The following IGFBP2 variants were observed in gnomAD, a reference collection of about 807,000 sequenced individuals.
IGFBP2 encodes insulin like growth factor binding protein 2.
Under a neutral mutation model 26.2 loss-of-function variants are expected in IGFBP2, and 12 were observed. That is an observed-to-expected ratio of 0.46 (90% CI 0.29 to 0.74). IGFBP2 has a LOEUF of 0.74. IGFBP2 is among the 30% of genes least tolerant of loss of function. The probability of loss-of-function intolerance (pLI) is 0.09; values close to 1 mark genes in which losing one functional copy is unlikely to be tolerated. For missense variants in IGFBP2, 328 were observed against 441.2 expected (o/e 0.74, Z 2.30); for synonymous variants, 189 against 200.6 (o/e 0.94, Z 0.49).
At position 216,664,317 on chromosome 2, in the gene IGFBP2, G is replaced by C. The variant is rs1028955256; in HGVS notation, c.*213G>C. ...ACACCTGCTCCTTCTTGCTTTCCCC[G>C]GGGGAGGAAGGGGGTTGTGGTCGGG... On this transcript the variant is annotated 3_prime_UTR_variant, in exon 4 of 4. Transcript: ENST00000233809. This position sits in a 1 kb window ranked among gnomAD's most constrained non-coding sequence, Gnocchi z 4.6. 1.4e-5 allele frequency: 6 copies of C among 420,898 alleles called. No individual in the cohort carries two copies. The highest frequency in any genetic ancestry group is 2.1e-5 in the Non-Finnish European group (5 of 238,354). The allele number at this position is 420,898 out of a possible 1,614,324, so 26.1% of individuals were successfully genotyped here. A position where few individuals can be genotyped will look rare whatever the true frequency, so the allele number is the denominator to read the frequency against.
chr2:216,642,547 C>A (rs1158610675), intron 1 of IGFBP2, among the ~76,000 whole-genome samples: 2 of 152,032 alleles, frequency 1.3e-5, no homozygotes. Flanking sequence ...ACCTTGTGAT[C>A]CGCCCGCCTC....
chr2:216,659,740 C>A (rs1697996345), intron 1 of IGFBP2: 11 of 1,535,400 alleles, frequency 7.2e-6, no homozygotes, highest in Non-Finnish European at 9.6e-6. Flanking sequence ...AAGCTTCATG[C>A]CCTGCAGTAA....
chr2:216,655,156 C>T (rs1338998203), intron 1 of IGFBP2, among the ~76,000 whole-genome samples: 5 of 152,192 alleles, frequency 3.3e-5, no homozygotes, highest in African/African-American at 1.2e-4. Context: ...CAAGTAATTT[C>T]CCACCTCAGC....
rs903636277 is a variant in IGFBP2 at position 216,638,693 on chromosome 2, G to A, written c.442+4728G>A. ...CACACCCATAGAAAATGGGAGGTAC[G>A]ACTGTTCAATTTCTTTTTTTTTTTG... On this transcript the variant is annotated intron_variant, in intron 1 of 3. Transcript: ENST00000233809. 2.2e-4 allele frequency among the ~76,000 whole-genome samples: 33 copies of A among 151,162 alleles called. 1 individual carries two copies. The highest frequency in any genetic ancestry group is 1.9e-3 in the Admixed American group (29 of 14,998).
In IGFBP2 at chr2:216,633,754, G is replaced by T; in HGVS notation, c.231G>T (p.Glu77Asp). The T allele has an allele frequency of 7.5e-7, 1 of 1,328,810 alleles. No individual in the cohort carries two copies. Among genetic ancestry groups the T allele is most frequent in the Non-Finnish European group, 9.6e-7 (1 of 1,043,120 alleles). 82.3% of individuals were successfully genotyped at this position (1,328,810 alleles called of 1,614,324 possible). Residue 77 changes from glutamate (E) to aspartate (D), a missense_variant, in exon 1 of 4, where the codon GAG becomes GAT. Coordinates refer to ENST00000233809, the MANE Select transcript of IGFBP2 (RefSeq NM_000597.3). ...GAGGCGCCCGCATGCCATGCGCGGA[G>T]CTCGTCCGGGAGCCGGGCTGCGGCT... ...VAGGARMPCA[E>D]LVREPGCGCC...
Position 216,661,875 on chromosome 2 carries a change from A to G in IGFBP2, c.690A>G (p.Glu230=), listed in dbSNP as rs1343210067. The change falls in exon 3 of 4, where the codon GAA becomes GAG. Residue 230 remains glutamate (E), a synonymous_variant. Transcript: ENST00000233809. The stretch of plus-strand genomic sequence containing the variant: ...GCGTGCAGACTCCCTGCCAACAGGA[A>G]CTGGACCAGGTCCTGGAGCGGATCT... The part of the protein sequence containing the change: ...PPPARTPCQQ[E]LDQVLERIST... 2.5e-6 allele frequency: 4 copies of G among 1,614,086 alleles called. No homozygotes were observed. The highest frequency in any genetic ancestry group is 2.2e-5 in the East Asian group (1 of 44,872).
intron 2 of IGFBP2, chr2:216,661,434 C>T (rs1238845442): frequency 3.0e-6 from 1 of 335,202 alleles, no homozygotes; most frequent in Non-Finnish European, 5.8e-6. Flanking sequence ...ATATGCTTCT[C>T]TCACTGAGCT....
intron 1 of IGFBP2, among the ~76,000 whole-genome samples, chr2:216,641,784 G>T (rs1228274245): frequency 2.0e-5 from 3 of 151,022 alleles, no homozygotes; most frequent in African/African-American, 7.3e-5. Flanking sequence ...CCACCTCCTG[G>T]GTTCACGCCA....
chr2:216,660,115 T>TG (rs920328385), intron 1 of IGFBP2, among the ~76,000 whole-genome samples: 8 of 152,108 alleles, frequency 5.3e-5, no homozygotes, highest in South Asian at 2.1e-4. Flanking sequence ...TGGGAGAATT[T>TG]GGGGGGGTCC....
chr2:216,632,836 G>T (rs1697404767), upstream of IGFBP2: 1 of 152,148 alleles, frequency 6.6e-6, no homozygotes, highest in Non-Finnish European at 1.5e-5. Flanking sequence ...CCCAGGTTTG[G>T]AAAACTGCAA....
intron 1 of IGFBP2, among the ~76,000 whole-genome samples, chr2:216,649,406 C>T (rs979224606): frequency 6.6e-6 from 1 of 151,992 alleles, no homozygotes; most frequent in African/African-American, 2.4e-5. Flanking sequence ...TACATGTGTC[C>T]CTGTGCACAT....
chr2:216,659,394 C>T lies in IGFBP2; in HGVS notation c.443-1163C>T, dbSNP rs139652517. Among the ~76,000 whole-genome samples the T allele has an allele frequency of 1.6e-4, 25 of 152,322 alleles. 1 individual carries two copies. The East Asian group carries it at 4.8e-3, about 29-fold the overall frequency. Reference sequence around the variant, plus strand: ...AATGTGCAAGATTGGTTGAAAAACACCCCTCTGCACCCACCCAGATCTTGT... The same window carrying T: ...AATGTGCAAGATTGGTTGAAAAACATCCCTCTGCACCCACCCAGATCTTGT... On this transcript the variant is annotated intron_variant, in intron 1 of 3. Transcript: ENST00000233809.
chr2:216,662,312 A>G (rs942923548), intron 3 of IGFBP2: 2 of 349,356 alleles, frequency 5.7e-6, no homozygotes, highest in African/African-American at 2.1e-5. Context: ...TTGATCGGAC[A>G]TTGACATCAC....
chr2:216,639,766 C>A, intron 1 of IGFBP2, among the ~76,000 whole-genome samples: 1 of 152,116 alleles, frequency 6.6e-6, no homozygotes, highest in Middle Eastern at 3.4e-3. Context: ...CCTCAGCCCC[C>A]CAAGTAGCTG....
intron 1 of IGFBP2, 119 bp from the exon 2 acceptor site, chr2:216,660,438 C>T (rs1698014475): frequency 2.9e-6 from 2 of 681,362 alleles, no homozygotes; most frequent in South Asian, 1.9e-5. Context: ...AGGCCATCAG[C>T]ACTCATTAGC....
Position 216,664,079 on chromosome 2 carries a change from G to T in IGFBP2, c.953G>T (p.Gly318Val). 2 of 1,611,960 alleles carry T rather than the reference G, an allele frequency of 1.2e-6. No individual in the cohort carries two copies. Among genetic ancestry groups the T allele is most frequent in the South Asian group, 2.2e-5 (2 of 90,766 alleles). ...LFYNEQQEARGVHTQRMQ is the reference protein window; with the variant it reads ...LFYNEQQEARVVHTQRMQ ...TACAATGAGCAGCAGGAGGCTCGCG[G>T]GGTGCACACCCAGCGGATGCAGTAG... The change falls in exon 4 of 4, where the codon GGG (glycine) becomes GTG (valine). Residue 318 changes from glycine to valine, a missense_variant. Transcript: ENST00000233809. The surrounding 1 kb of genome is among the most constrained non-coding windows in gnomAD (Gnocchi z 4.6).
intron 1 of IGFBP2, among the ~76,000 whole-genome samples, chr2:216,647,800 G>A (rs1321365640): frequency 2.0e-5 from 3 of 152,142 alleles, no homozygotes; most frequent in Non-Finnish European, 1.5e-5. Context: ...GATTACAGGG[G>A]TGAGCCACTG....
chr2:216,652,844 C>T (rs544550463), intron 1 of IGFBP2, among the ~76,000 whole-genome samples: 1 of 152,306 alleles, frequency 6.6e-6, no homozygotes, highest in Non-Finnish European at 1.5e-5. Context: ...TCAGAATTAA[C>T]TCTTGAAAGG....
chr2:216,659,826 C>A, intron 1 of IGFBP2: 5 of 1,115,352 alleles, frequency 4.5e-6, no homozygotes, highest in Non-Finnish European at 6.6e-6. Context: ...GGGTGGGCTG[C>A]ACAGACAGAC....
Sources: allele counts gnomAD v4.1 joint callset (sites outside exome capture counted in the v4.1 genomes callset), GRCh38; gene constraint gnomAD v4.1.1; non-coding constraint Gnocchi (gnomAD v3.1); transcripts MANE v1.5; gene names NCBI Gene and HGNC (gene_info 2026-07-23, HGNC 2026-07-21).